The following PRAMEF14 variants were observed in gnomAD, a reference collection of about 807,000 sequenced individuals.
PRAMEF14 encodes the protein PRAME family member 14.
PRAMEF14 carries 24 observed loss-of-function variants against 38.3 expected under a neutral mutation model. The observed-to-expected ratio is 0.63, with a 90% confidence interval of 0.45 to 0.88. The LOEUF is 0.88. Ranked by LOEUF, PRAMEF14 falls within the 40% of genes least tolerant of loss-of-function variation. The pLI is 0.00. For missense variants in PRAMEF14, 477 were observed against 570.8 expected, an observed-to-expected ratio of 0.84 and a Z score of 1.67; for synonymous variants, 194 against 226.4, an observed-to-expected ratio of 0.86 and a Z score of 1.29.
chr1:13,345,452 G>C, intron 1 of PRAMEF14, 113 bp from the exon 2 acceptor site: 1 of 1,331,408 alleles, frequency 7.5e-7, no homozygotes, highest in Non-Finnish European at 1.0e-6. Flanking sequence ...GGGTCAAGGA[G>C]ACCACTGGCT....
At position 13,341,978 on chromosome 1, in the gene PRAMEF14, C is replaced by T. The variant is rs1229414380; in HGVS notation, c.*550G>A. On this transcript the variant is annotated 3_prime_UTR_variant, in exon 4 of 4. Transcript: ENST00000334600. ...AAGTAGTATTTCATTATTTTTCCAT[C>T]AGTAACTCAATAACTAGATATTTCT... is the stretch of plus-strand genomic sequence containing the variant. 3 of 155,670 alleles carry T rather than the reference C, an allele frequency of 1.9e-5. No individual in the cohort carries two copies. Among genetic ancestry groups the T allele is most frequent in the African/African-American group, 7.2e-5 (3 of 41,420 alleles). 9.6% of individuals were successfully genotyped at this position (155,670 alleles called of 1,614,324 possible). A position where few individuals can be genotyped will look rare whatever the true frequency, so the allele number is the denominator to read the frequency against.
intron 1 of PRAMEF14, 147 bp from the exon 2 acceptor site, chr1:13,345,486 A>G: frequency 1.6e-6 from 2 of 1,283,254 alleles, no homozygotes; most frequent in Admixed American, 2.6e-5. Flanking sequence ...CCTTCATTCC[A>G]CTGAATCCCA....
At chr1:13,344,008 C>G in intron 3 of PRAMEF14, 30 bp downstream of exon 3, 1 of 1,606,016 alleles carries the variant, frequency 6.2e-7, no homozygotes. Context: ...ATGCTGTGGT[C>G]TGCATATAAA....
Position 13,342,144 on chromosome 1 carries a change from G to A in PRAMEF14, c.*384C>T, listed in dbSNP as rs1183768182. ...TTCTCTTTCCGACTCTGTAGGACAC[G>A]GGTCCCTGAAGTTCTCATTGATGTC... On this transcript the variant is annotated 3_prime_UTR_variant, in exon 4 of 4. Coordinates refer to ENST00000334600, the MANE Select transcript of PRAMEF14 (RefSeq NM_001024661.2). 2.4e-5 allele frequency: 6 copies of A among 249,588 alleles called. No homozygotes were observed. Among genetic ancestry groups the A allele is most frequent in the Admixed American group, 1.0e-4 (2 of 19,626 alleles). 15.5% of individuals were successfully genotyped at this position (249,588 alleles called of 1,614,324 possible). A position where few individuals can be genotyped will look rare whatever the true frequency, so the allele number is the denominator to read the frequency against.
chr1:13,345,458 T>C (rs1415392992), intron 1 of PRAMEF14, 119 bp from the exon 2 acceptor site: 6 of 1,324,280 alleles, frequency 4.5e-6, no homozygotes, highest in Non-Finnish European at 6.2e-6. Flanking sequence ...AGGAGACCAC[T>C]GGCTTATTAA....
chr1:13,342,787 A>G lies in PRAMEF14; in HGVS notation c.1166T>C (p.Met389Thr). 1.2e-6 allele frequency: 2 copies of G among 1,604,398 alleles called. No homozygotes were observed. The highest frequency in any genetic ancestry group is 1.7e-6 in the Non-Finnish European group (2 of 1,177,104). ...LTTFYFGRNC[M>T]SMGALKDLLC... is the part of the protein sequence containing the mutation. ...CAGGTCCTTCAGGGCACCCATAGAC[A>G]TACAATTTCTGCCAAAGTAGAAGGT... is the stretch of plus-strand genomic sequence containing the variant. Residue 389 changes from methionine to threonine, a missense_variant, in exon 4 of 4, where the codon ATG becomes ACG. Met to Thr is a moderately conservative substitution (Grantham distance 81, BLOSUM62 -1). This residue lies in a region of PRAMEF14 where 151 missense variants were observed against 137.4 expected (regional missense o/e 1.10). Transcript: ENST00000334600.
intron 3 of PRAMEF14, among the ~76,000 whole-genome samples, chr1:13,343,383 C>T (rs1444711820): frequency 1.3e-5 from 2 of 148,822 alleles, no homozygotes; most frequent in Non-Finnish European, 1.5e-5. Flanking sequence ...TACAGGTACC[C>T]GGTGGGAGAT....
chr1:13,343,232 G>C, intron 3 of PRAMEF14, 146 bp from the exon 4 acceptor site: 1 of 708,724 alleles, frequency 1.4e-6, no homozygotes, highest in Non-Finnish European at 2.3e-6. Flanking sequence ...TGCATGATGA[G>C]GACCCTGATC....
At chr1:13,345,406 A>C in intron 1 of PRAMEF14, 67 bp from the exon 2 acceptor site, 2 of 1,431,990 alleles carry the variant, frequency 1.4e-6, no homozygotes, top group South Asian at 2.7e-5. Context: ...TTCTACTGGT[A>C]CCAGGAAGAA....
Position 13,342,563 on chromosome 1 carries a change from G to C in PRAMEF14, c.1390C>G (p.Pro464Ala). The C allele has an allele frequency of 6.2e-7, 1 of 1,604,746 alleles. No individual in the cohort carries two copies. The highest frequency in any genetic ancestry group is 8.5e-7 in the Non-Finnish European group (1 of 1,177,328). The change falls in exon 4 of 4, where the codon CCG (proline) becomes GCG (alanine). Residue 464 changes from proline (P) to alanine (A), a missense_variant. Physicochemically the swap from Pro to Ala is conservative, Grantham distance 27. This residue lies in a region of PRAMEF14 where 151 missense variants were observed against 137.4 expected (regional missense o/e 1.10). Coordinates refer to ENST00000334600, the MANE Select transcript of PRAMEF14 (RefSeq NM_001024661.2). ...AGATGGAGCTCCAGTTCCTCAGACG[G>C]TGATGAGCCACAGGAAGGGCAGGGG... The part of the protein sequence containing the change: ...PTPCPSCGSS[P>A]SEELELHLCC
Position 13,344,432 on chromosome 1 carries a change from T to C in PRAMEF14, c.472A>G (p.Ile158Val), listed in dbSNP as rs1640374555. The change falls in exon 3 of 4, where the codon ATA (isoleucine) becomes GTA (valine). Residue 158 changes from isoleucine (I) to valine (V), a missense_variant. This residue lies in a region of PRAMEF14 where 234 missense variants were observed against 247.4 expected (regional missense o/e 0.95). Transcript: ENST00000334600. Reference sequence around the variant, plus strand: ...TATCTCAGGCATTCATCCTGGGGTATTTCCTTGAGGCAGATGTCTATGAAC... The same window carrying C: ...TATCTCAGGCATTCATCCTGGGGTACTTCCTTGAGGCAGATGTCTATGAAC... ...KVFIDICLKEIPQDECLRYLF... is the reference protein window; with the variant it reads ...KVFIDICLKEVPQDECLRYLF... 1 of 1,605,984 alleles carries C rather than the reference T, an allele frequency of 6.2e-7. No homozygotes were observed. The highest frequency in any genetic ancestry group is 8.5e-7 in the Non-Finnish European group (1 of 1,178,092).
Position 13,342,314 on chromosome 1 carries a change from C to T in PRAMEF14, c.*214G>A. The stretch of plus-strand genomic sequence containing the variant: ...ATCCCAGCACTTTAGGAAGCTGAGG[C>T]AGGAGGATCCCATAAGCCCAGCTGA... On this transcript the variant is annotated 3_prime_UTR_variant, in exon 4 of 4. Transcript: ENST00000334600. 1 of 890,954 alleles carries T rather than the reference C, an allele frequency of 1.1e-6. No individual in the cohort carries two copies. The highest frequency in any genetic ancestry group is 1.9e-5 in the South Asian group (1 of 51,812). The allele number at this position is 890,954 out of a possible 1,614,324, so 55.2% of individuals were successfully genotyped here.
Position 13,344,003 on chromosome 1 carries a change from G to C in PRAMEF14, c.866+35C>G. 2.5e-6 allele frequency: 4 copies of C among 1,605,416 alleles called. 1 individual carries two copies. The East Asian group carries it at 7.1e-5, about 29-fold the overall frequency. The stretch of plus-strand genomic sequence containing the variant: ...TGCTGTAACAGAACAAGGCTATGCT[G>C]TGGTCTGCATATAAAGTGCATGATC... On this transcript the variant is annotated intron_variant, in intron 3 of 3. Coordinates refer to ENST00000334600, the MANE Select transcript of PRAMEF14 (RefSeq NM_001024661.2).
intron 3 of PRAMEF14, chr1:13,343,431 T>G: frequency 7.4e-6 from 4 of 540,484 alleles, no homozygotes; most frequent in Non-Finnish European, 3.2e-6. Flanking sequence ...TCTAGGGACA[T>G]CAGCTAGGGC....
At position 13,344,251 on chromosome 1, in the gene PRAMEF14, G is replaced by T. The variant is rs1640371139; in HGVS notation, c.653C>A (p.Pro218Gln). 10 of 1,607,226 alleles carry T rather than the reference G, an allele frequency of 6.2e-6. No homozygotes were observed. Among genetic ancestry groups the T allele is most frequent in the Middle Eastern group, 1.7e-4 (1 of 6,034 alleles). The change falls in exon 3 of 4, where the codon CCA (proline) becomes CAA (glutamine). Residue 218 changes from proline to glutamine, a missense_variant. Pro to Gln is a moderately conservative substitution (Grantham distance 76). Coordinates refer to ENST00000334600, the MANE Select transcript of PRAMEF14 (RefSeq NM_001024661.2). ...QQLEIRNMSW[P>Q]RLIRKLRCYL... Reference sequence around the variant, plus strand: ...ACAACGAAGCTTTCTTATCAGACGTGGCCAGGACATGTTGCGAATTTCCAG... The same window carrying T: ...ACAACGAAGCTTTCTTATCAGACGTTGCCAGGACATGTTGCGAATTTCCAG...
At chr1:13,345,680 G>A (rs1468972615) in intron 1 of PRAMEF14, among the ~76,000 whole-genome samples, 20 of 151,114 alleles carry the variant, frequency 1.3e-4, no homozygotes, top group Non-Finnish European at 2.5e-4. Flanking sequence ...CCCTAAAATC[G>A]ATGCCATTAT....
rs1183133984 is a variant in PRAMEF14 at position 13,343,667 on chromosome 1, G to T, written c.866+371C>A. On this transcript the variant is annotated intron_variant, in intron 3 of 3. Coordinates refer to ENST00000334600, the MANE Select transcript of PRAMEF14 (RefSeq NM_001024661.2). ...AGACGTTCTATTGTGAAATGGACAG[G>T]TTTGATGCGCTTTCCCTCCTTTCAT... 1.6e-5 allele frequency: 22 copies of T among 1,338,158 alleles called. 1 individual carries two copies. Among genetic ancestry groups the T allele is most frequent in the Non-Finnish European group, 2.2e-5 (22 of 1,013,728 alleles). The allele number at this position is 1,338,158 out of a possible 1,614,324, so 82.9% of individuals were successfully genotyped here. A position where few individuals can be genotyped will look rare whatever the true frequency, so the allele number is the denominator to read the frequency against.
chr1:13,342,996 G>A lies in PRAMEF14; in HGVS notation c.957C>T (p.Leu319=), dbSNP rs762419824. The A allele has an allele frequency of 2.7e-5, 44 of 1,611,296 alleles. No individual in the cohort carries two copies. In the Admixed American group the frequency reaches 4.0e-4, roughly 15 times the overall value. The change falls in exon 4 of 4, where the codon CTC becomes CTT. Residue 319 remains leucine, a synonymous_variant. Coordinates refer to ENST00000334600, the MANE Select transcript of PRAMEF14 (RefSeq NM_001024661.2). ...TGAGATTCAGATGCTTTAGGTAACC[G>A]AGGCTTGGGTACTGGGAGAGACACT... is the stretch of plus-strand genomic sequence containing the variant. The part of the protein sequence containing the change: ...DMKCLSQYPS[L]GYLKHLNLSY...
rs1640378405 is a variant in PRAMEF14, at chr1:13,344,638, G to C, written c.288-22C>G. The stretch of plus-strand genomic sequence containing the variant: ...CCTCCTGTGGGTAAAGTAAGGGAGA[G>C]ACTCAGAATTTAGAAGGACTCATCC... On this transcript the variant is annotated intron_variant, in intron 2 of 3. Transcript: ENST00000334600. The C allele has an allele frequency of 8.1e-6, 13 of 1,604,112 alleles. 2 individuals are homozygous for C. In the South Asian group the frequency reaches 1.4e-4, roughly 18 times the overall value.
Sources: gnomAD v4.1 joint callset for allele counts (sites outside exome capture counted in the v4.1 genomes callset) on GRCh38, gnomAD v4.1.1 for gene constraint, gnomAD v4.1.1 regional missense constraint, MANE v1.5 for transcripts, NCBI Gene and HGNC (gene_info 2026-07-23, HGNC 2026-07-21) for gene names.